OTUD7A: variants seen among roughly 807,000 people sequenced by gnomAD.
The protein encoded by OTUD7A is OTU domain-containing protein 7A.
OTUD7A carries 12 observed loss-of-function variants against 65.7 expected under a neutral mutation model. The ratio of observed to expected loss-of-function variants is 0.18; its 90% confidence interval spans 0.12 to 0.30. The LOEUF is 0.30. Among genes scored for constraint, OTUD7A ranks in the 10% least tolerant of loss-of-function variants. The pLI, the probability that OTUD7A is intolerant of heterozygous loss-of-function variation, is 1.00. For synonymous variants in OTUD7A, 641 were observed against 586.3 expected, an observed-to-expected ratio of 1.09 and a Z score of -1.35; for missense variants, 1,148 against 1,304.8, an observed-to-expected ratio of 0.88 and a Z score of 1.85.
chr15:31,565,966 G>T (rs1888856086), intron 4 of OTUD7A, among the ~76,000 whole-genome samples: 1 of 152,200 alleles, frequency 6.6e-6, no homozygotes, highest in South Asian at 2.1e-4. Flanking sequence ...GCCGAGGTAG[G>T]TGGATCACAA....
chr15:31,608,499 C>T (rs1209992703), intron 3 of OTUD7A, among the ~76,000 whole-genome samples: 1 of 152,124 alleles, frequency 6.6e-6, no homozygotes, highest in Non-Finnish European at 1.5e-5. Flanking sequence ...GAGCTAAAAG[C>T]ACAAGACCAT....
chr15:31,490,261 A>G (rs2041300429), intron 10 of OTUD7A, among the ~76,000 whole-genome samples: 1 of 152,256 alleles, frequency 6.6e-6, no homozygotes, highest in Non-Finnish European at 1.5e-5. Context: ...CTGCTTTTCA[A>G]AATGAGCCTA....
chr15:31,513,222 C>G (rs893503998), intron 8 of OTUD7A, among the ~76,000 whole-genome samples: 2 of 152,344 alleles, frequency 1.3e-5, no homozygotes, highest in African/African-American at 4.8e-5. Context: ...CGAAACCTCA[C>G]AAAATAGTTG....
intron 1 of OTUD7A, among the ~76,000 whole-genome samples, chr15:31,842,228 G>A (rs545036525): frequency 6.6e-6 from 1 of 152,356 alleles, no homozygotes; most frequent in South Asian, 2.1e-4. Context: ...GACCCCAGGG[G>A]GGTATGAGGG....
chr15:31,656,336 G>A (rs1395730696), intron 2 of OTUD7A, among the ~76,000 whole-genome samples: 1 of 152,076 alleles, frequency 6.6e-6, no homozygotes, highest in Non-Finnish European at 1.5e-5. Context: ...TAAGAGGTCT[G>A]CAAGTTATAG....
chr15:31,672,588 G>A (rs868571388), intron 1 of OTUD7A, among the ~76,000 whole-genome samples: 4 of 152,182 alleles, frequency 2.6e-5, no homozygotes, highest in Non-Finnish European at 5.9e-5. Context: ...AGCCCAGAGT[G>A]CCCAGTGGCA....
chr15:31,512,837 A>AT (rs999249460), intron 8 of OTUD7A, among the ~76,000 whole-genome samples: 13 of 152,318 alleles, frequency 8.5e-5, no homozygotes, highest in African/African-American at 2.4e-4. Flanking sequence ...AAGTATGTTG[A>AT]TTTTTTTATT....
rs532646426 is a variant in OTUD7A at position 31,725,319 on chromosome 15, A to G, written c.-99-68242T>C. Among the ~76,000 whole-genome samples, 86 of 152,256 alleles carry G rather than the reference A, an allele frequency of 5.6e-4. 2 individuals are homozygous for G. Among genetic ancestry groups the G allele is most frequent in the East Asian group, 3.9e-4 (2 of 5,182 alleles). ...GGCCATTGACAGTCGCCTGTCTCCC[A>G]GTTATTCCATTCCTGTTCTACTACT... is the stretch of plus-strand genomic sequence containing the variant. On this transcript the variant is annotated intron_variant, in intron 1 of 12. Coordinates refer to ENST00000307050, the MANE Select transcript of OTUD7A (RefSeq NM_001382637.1).
chr15:31,821,920 A>C lies in OTUD7A; in HGVS notation c.-100+48587T>G, dbSNP rs886267910. On this transcript the variant is annotated intron_variant, in intron 1 of 12. Coordinates refer to ENST00000307050, the MANE Select transcript of OTUD7A (RefSeq NM_001382637.1). The stretch of plus-strand genomic sequence containing the variant: ...GCCATTTGTATATCAACTTTGGAGA[A>C]AGGTCTGGTCAAGTGTCTTTTCTAT... Among the ~76,000 whole-genome samples the C allele has an allele frequency of 3.3e-5, 5 of 152,166 alleles. 1 individual carries two copies. The highest frequency in any genetic ancestry group is 3.3e-4 in the Admixed American group (5 of 15,278).
chr15:31,738,710 A>G (rs1399276550), intron 1 of OTUD7A, among the ~76,000 whole-genome samples: 2 of 152,194 alleles, frequency 1.3e-5, no homozygotes, highest in Non-Finnish European at 2.9e-5. Context: ...CCTGAAATCC[A>G]GCCTTACAAT....
intron 1 of OTUD7A, among the ~76,000 whole-genome samples, chr15:31,854,542 A>G (rs1170889887): frequency 6.6e-6 from 1 of 152,172 alleles, no homozygotes; most frequent in East Asian, 1.9e-4. Context: ...AAAGTCCTGA[A>G]GCTGCCATCA....
At chr15:31,766,909 C>G in intron 1 of OTUD7A, 4 of 1,610,314 alleles carry the variant, frequency 2.5e-6, no homozygotes, top group Non-Finnish European at 3.4e-6. Flanking sequence ...ATCTACAATT[C>G]CTTCCAAAGA....
Position 31,559,000 on chromosome 15 carries a change from C to T in OTUD7A, c.519G>A (p.Glu173=). ...FRSFIERDLI[E]QATMVALEQA... Reference sequence around the variant, plus strand: ...GCTCCAAAGCCACCATTGTTGCCTGCTCGATCAAGTCCCGCTCGATGAAGC... The same window carrying T: ...GCTCCAAAGCCACCATTGTTGCCTGTTCGATCAAGTCCCGCTCGATGAAGC... The change falls in exon 5 of 13, where the codon GAG becomes GAA. Residue 173 remains glutamate, a synonymous_variant. Transcript: ENST00000307050. The T allele has an allele frequency of 6.2e-7, 1 of 1,614,220 alleles. No homozygotes were observed. Among genetic ancestry groups the T allele is most frequent in the Non-Finnish European group, 8.5e-7 (1 of 1,180,038 alleles).
intron 10 of OTUD7A, among the ~76,000 whole-genome samples, chr15:31,490,404 G>C (rs944992726): frequency 2.6e-5 from 4 of 152,152 alleles, no homozygotes; most frequent in African/African-American, 9.7e-5. Flanking sequence ...AAAAAATCAA[G>C]ATTTCTGGTT....
rs144705256 is a variant in OTUD7A, at chr15:31,673,798, T to C, written c.-99-16721A>G. 2.6e-3 allele frequency among the ~76,000 whole-genome samples: 401 copies of C among 152,350 alleles called. 3 individuals are homozygous for C. The highest frequency in any genetic ancestry group is 6.4e-3 in the African/African-American group (267 of 41,582). ...GTCAGCCTCTTTTCCTGGCCTGCCA[T>C]TGTCATTGTGACAAGTGTTGGGGCA... On this transcript the variant is annotated intron_variant, in intron 1 of 12. Coordinates refer to ENST00000307050, the MANE Select transcript of OTUD7A (RefSeq NM_001382637.1).
intron 3 of OTUD7A, among the ~76,000 whole-genome samples, chr15:31,600,368 T>C (rs2141209821): frequency 6.6e-6 from 1 of 152,298 alleles, no homozygotes; most frequent in African/African-American, 2.4e-5. Flanking sequence ...CTAAGCTTCA[T>C]AAGTGAAGGA....
intron 5 of OTUD7A, among the ~76,000 whole-genome samples, chr15:31,535,679 T>G (rs1025130715): frequency 1.2e-4 from 18 of 145,912 alleles, no homozygotes; most frequent in African/African-American, 1.8e-4. Flanking sequence ...TTTTTGTTTT[T>G]TTTTTTTTTT....
At chr15:31,572,926 C>A (rs965052655) in intron 3 of OTUD7A, among the ~76,000 whole-genome samples, 1 of 151,404 alleles carries the variant, frequency 6.6e-6, no homozygotes, top group Non-Finnish European at 1.5e-5. Context: ...AATTTGAGCC[C>A]CAAATAAAAA....
At chr15:31,798,466 A>T (rs976596964) in intron 1 of OTUD7A, among the ~76,000 whole-genome samples, 2 of 152,170 alleles carry the variant, frequency 1.3e-5, no homozygotes, top group Non-Finnish European at 2.9e-5. Flanking sequence ...CAGAGGCATA[A>T]AGGCAAAAGC....
Sources: gnomAD v4.1 joint callset for allele counts (sites outside exome capture counted in the v4.1 genomes callset) on GRCh38, gnomAD v4.1.1 for gene constraint, MANE v1.5 for transcripts, NCBI Gene and HGNC (gene_info 2026-07-23, HGNC 2026-07-21) for gene names.